Variants in COL24A1 observed in about 807,000 individuals in gnomAD.
COL24A1 encodes the protein collagen type XXIV alpha 1 chain.
Under a neutral mutation model 253.9 loss-of-function variants are expected in COL24A1, and 224 were observed. That is an observed-to-expected ratio of 0.88 (90% CI 0.79 to 0.99). The LOEUF (loss-of-function observed/expected upper bound fraction) is 0.99. Among genes scored for constraint, COL24A1 ranks in the 50% least tolerant of loss-of-function variants. The pLI is 0.00. For synonymous variants in COL24A1, 685 were observed against 673.7 expected, an observed-to-expected ratio of 1.02 and a Z score of -0.26; for missense variants, 2,131 against 2,068.5, an observed-to-expected ratio of 1.03 and a Z score of -0.59.
intron 19 of COL24A1, among the ~76,000 whole-genome samples, chr1:85,990,764 T>A (rs1455235527): frequency 6.6e-6 from 1 of 152,160 alleles, no homozygotes; most frequent in East Asian, 1.9e-4. Flanking sequence ...TACAATGGAT[T>A]GAAACACATC....
At chr1:86,124,375 A>G (rs983206251) in intron 3 of COL24A1, among the ~76,000 whole-genome samples, 5 of 151,690 alleles carry the variant, frequency 3.3e-5, no homozygotes, top group Non-Finnish European at 5.9e-5. Flanking sequence ...TAAGTTTTAC[A>G]CTCTATTTTA....
intron 5 of COL24A1, among the ~76,000 whole-genome samples, chr1:86,100,880 T>C (rs1211882553): frequency 6.6e-6 from 1 of 152,162 alleles, no homozygotes; most frequent in African/African-American, 2.4e-5. Context: ...CTTTGCCTTA[T>C]GTCTCTCTTT....
intron 32 of COL24A1, among the ~76,000 whole-genome samples, chr1:85,885,395 A>T (rs368853810): frequency 0.54 from 65,283 of 119,800 alleles, 16,172 homozygotes; most frequent in South Asian, 0.67. Context: ...ATATATATAT[A>T]TATTTTTTTT....
chr1:85,761,564 A>G lies in COL24A1; in HGVS notation c.4377T>C (p.Gly1459=). The change falls in exon 54 of 60, where the codon GGT becomes GGC. Residue 1459 remains glycine, a splice_region_variant and synonymous_variant. Transcript: ENST00000370571. ...RGEKGFRGET[G]PQGPRGQPGP... is the part of the protein sequence containing the mutation. Reference sequence around the variant, plus strand: ...CTGGTTGACCTCTTGGTCCTTGAGGACCCTGGAAGAAATGGAGACAAACAC... The same window carrying G: ...CTGGTTGACCTCTTGGTCCTTGAGGGCCCTGGAAGAAATGGAGACAAACAC... 6.2e-7 allele frequency: 1 copy of G among 1,614,086 alleles called. No homozygotes were observed. Among genetic ancestry groups the G allele is most frequent in the Non-Finnish European group, 8.5e-7 (1 of 1,179,962 alleles).
rs141033540 is a variant in COL24A1, at chr1:85,737,724, C to T, written c.4673-219G>A. ...GATTACAGGAATGGGCCACCACACCCGGCTAATTTTTGTATTTTCAGTAGA... is the reference window on the plus strand; with the variant it reads ...GATTACAGGAATGGGCCACCACACCTGGCTAATTTTTGTATTTTCAGTAGA... On this transcript the variant is annotated intron_variant, in intron 57 of 59. Transcript: ENST00000370571. Among the ~76,000 whole-genome samples, 383 of 152,094 alleles carry T rather than the reference C, an allele frequency of 2.5e-3. 3 individuals are homozygous for T. The highest frequency in any genetic ancestry group is 8.9e-3 in the African/African-American group (370 of 41,512).
chr1:86,057,666 A>T (rs1700764341), intron 10 of COL24A1, among the ~76,000 whole-genome samples: 1 of 152,218 alleles, frequency 6.6e-6, no homozygotes, highest in Admixed American at 6.5e-5. Context: ...TATAAATAAC[A>T]CTACAAATGT....
chr1:85,736,541 G>T, intron 58 of COL24A1: 1 of 453,786 alleles, frequency 2.2e-6, no homozygotes, highest in Non-Finnish European at 4.4e-6. Flanking sequence ...TCTATTTCAG[G>T]GGTAATAATG....
chr1:86,155,610 C>T, intron 1 of COL24A1: 1 of 152,486 alleles, frequency 6.6e-6, no homozygotes, highest in Non-Finnish European at 1.5e-5. Flanking sequence ...AGGACCCGCC[C>T]AAAACCTCCG....
chr1:85,944,184 C>G (rs971375915), intron 24 of COL24A1, among the ~76,000 whole-genome samples: 1 of 152,158 alleles, frequency 6.6e-6, no homozygotes, highest in Non-Finnish European at 1.5e-5. Flanking sequence ...TTCTCTATTA[C>G]AGTATTTCAG....
At chr1:85,756,608 T>C (rs938626776) in intron 55 of COL24A1, among the ~76,000 whole-genome samples, 1 of 152,190 alleles carries the variant, frequency 6.6e-6, no homozygotes, top group Non-Finnish European at 1.5e-5. Flanking sequence ...TCTTGTGCAC[T>C]GCTGGTGGTA....
chr1:85,981,374 A>C (rs1264235358), intron 20 of COL24A1, among the ~76,000 whole-genome samples: 1 of 152,192 alleles, frequency 6.6e-6, no homozygotes, highest in East Asian at 1.9e-4. Context: ...CAAAGCAAAC[A>C]AAAACATAAA....
chr1:85,926,791 A>C (rs1687296433), intron 24 of COL24A1, among the ~76,000 whole-genome samples: 1 of 152,090 alleles, frequency 6.6e-6, no homozygotes, highest in Non-Finnish European at 1.5e-5. Context: ...CGTTGTGCAC[A>C]TGTACCCTAG....
chr1:85,761,876 T>A (rs1264502369), intron 53 of COL24A1, among the ~76,000 whole-genome samples: 1 of 152,186 alleles, frequency 6.6e-6, no homozygotes, highest in Non-Finnish European at 1.5e-5. Flanking sequence ...CTGTTATTTC[T>A]AACTACCATC....
At chr1:86,139,854 A>G (rs780508319) in intron 2 of COL24A1, among the ~76,000 whole-genome samples, 18 of 152,174 alleles carry the variant, frequency 1.2e-4, no homozygotes, top group Non-Finnish European at 1.8e-4. Flanking sequence ...ATTTACTTAA[A>G]CTGACTAAAT....
rs372174036 is a variant in COL24A1 at position 85,777,700 on chromosome 1, T to A, written c.4339-1991A>T. On this transcript the variant is annotated intron_variant, in intron 52 of 59. Transcript: ENST00000370571. ...TAAATTCCTCCAAGTGGAACTGTTT[T>A]GTTAAAGAATATGTACCTATATTTA... Among the ~76,000 whole-genome samples the A allele has an allele frequency of 1.4e-4, 21 of 152,332 alleles. No individual in the cohort carries two copies. In the South Asian group the frequency reaches 3.7e-3, roughly 27 times the overall value.
rs143803926 is a variant in COL24A1 at position 86,021,142 on chromosome 1, T to C, written c.2256+1098A>G. The stretch of plus-strand genomic sequence containing the variant: ...AATAAATAATCCTGAGATGGAAGGG[T>C]AGAGTTAGAGGGAACACAATGAACT... On this transcript the variant is annotated intron_variant, in intron 18 of 59. Coordinates refer to ENST00000370571, the MANE Select transcript of COL24A1 (RefSeq NM_152890.7). Among the ~76,000 whole-genome samples the C allele has an allele frequency of 7.2e-3, 1,093 of 152,254 alleles. 16 individuals carry two copies. The highest frequency in any genetic ancestry group is 0.025 in the African/African-American group (1,051 of 41,552).
chr1:86,059,025 T>TA (rs1302963653), intron 9 of COL24A1, 96 bp downstream of exon 9: 6 of 734,258 alleles, frequency 8.2e-6, no homozygotes, highest in South Asian at 2.6e-5. Flanking sequence ...CATTATTTAA[T>TA]AAAAAAACTA....
intron 45 of COL24A1, among the ~76,000 whole-genome samples, chr1:85,819,154 T>C (rs1673347093): frequency 6.6e-6 from 1 of 152,160 alleles, no homozygotes; most frequent in African/African-American, 2.4e-5. Flanking sequence ...TAATGCAAAA[T>C]GTTTCTAAAG....
At chr1:85,981,047 A>G (rs912886770) in intron 20 of COL24A1, among the ~76,000 whole-genome samples, 3 of 152,238 alleles carry the variant, frequency 2.0e-5, no homozygotes, top group Non-Finnish European at 4.4e-5. Flanking sequence ...AATGGGCAGA[A>G]TAAATATTGT....
Sources: allele counts gnomAD v4.1 joint callset (sites outside exome capture counted in the v4.1 genomes callset), GRCh38; gene constraint gnomAD v4.1.1; transcripts MANE v1.5; gene names NCBI Gene and HGNC (gene_info 2026-07-23, HGNC 2026-07-21).